CADM2: variants seen among roughly 807,000 people sequenced by gnomAD.
The protein encoded by CADM2 is immunoglobulin superfamily member 4D.
A neutral mutation model predicts 49.8 loss-of-function variants in CADM2; 12 were observed. The observed-to-expected ratio is 0.24, with a 90% confidence interval of 0.15 to 0.39. CADM2 has a LOEUF of 0.39. Ranked by LOEUF, CADM2 falls within the 10% of genes least tolerant of loss-of-function variation. The probability of loss-of-function intolerance (pLI) is 1.00; values close to 1 mark genes in which losing one functional copy is unlikely to be tolerated. For synonymous variants in CADM2, 214 were observed against 175.4 expected (o/e 1.22, Z -1.74); for missense variants, 378 against 492.3 (o/e 0.77, Z 2.20).
At chr3:85,992,095 A>G (rs982633958) in intron 8 of CADM2, 1 of 151,820 alleles carries the variant, frequency 6.6e-6, no homozygotes, top group African/African-American at 2.4e-5. Flanking sequence ...ATTGTTCATC[A>G]CAGAAAAATT....
At chr3:84,965,514 G>A (rs565014300) in intron 1 of CADM2, among the ~76,000 whole-genome samples, 2 of 152,288 alleles carry the variant, frequency 1.3e-5, no homozygotes, top group South Asian at 4.1e-4. Flanking sequence ...CATATATTTT[G>A]TTTAGAGATG....
At chr3:85,630,599 TTAAC>T (rs1434387860) in intron 1 of CADM2, among the ~76,000 whole-genome samples, 1 of 152,092 alleles carries the variant, frequency 6.6e-6, no homozygotes, top group Non-Finnish European at 1.5e-5. Context: ...ATCTGCATTT[TTAAC>T]TAATGAAGCG....
At chr3:84,978,477 C>G (rs1356681650) in intron 1 of CADM2, among the ~76,000 whole-genome samples, 1 of 152,122 alleles carries the variant, frequency 6.6e-6, no homozygotes, top group African/African-American at 2.4e-5. Context: ...TAAGCCCTTT[C>G]TCAGACACAT....
chr3:85,811,374 C>A (rs979815849), intron 3 of CADM2, among the ~76,000 whole-genome samples: 1 of 152,104 alleles, frequency 6.6e-6, no homozygotes, highest in Non-Finnish European at 1.5e-5. Context: ...TTTTAACAAA[C>A]ACTGAACAGT....
At chr3:85,992,546 A>T (rs1182637143) in intron 8 of CADM2, 1 of 152,154 alleles carries the variant, frequency 6.6e-6, no homozygotes, top group Non-Finnish European at 1.5e-5. Context: ...TCATGGGTTC[A>T]GTTCCAGATC....
chr3:85,693,391 T>G (rs962061406), intron 1 of CADM2, among the ~76,000 whole-genome samples: 1 of 136,128 alleles, frequency 7.3e-6, no homozygotes, highest in Non-Finnish European at 1.6e-5. Flanking sequence ...CCATCCTGGC[T>G]AACAGGGTGA....
At chr3:85,901,900 G>GT (rs150560680) in intron 5 of CADM2, among the ~76,000 whole-genome samples, 5,482 of 152,098 alleles carry the variant, frequency 0.036, 322 homozygotes, top group African/African-American at 0.12. Context: ...TATATTATGT[G>GT]TTTTTTGTGA....
intron 1 of CADM2, among the ~76,000 whole-genome samples, chr3:84,993,673 G>A (rs2033020702): frequency 6.6e-6 from 1 of 152,170 alleles, no homozygotes; most frequent in African/African-American, 2.4e-5. Flanking sequence ...CACACTGACT[G>A]ATATGAACTG....
intron 1 of CADM2, among the ~76,000 whole-genome samples, chr3:85,089,450 A>G (rs938779738): frequency 1.3e-5 from 2 of 152,104 alleles, no homozygotes; most frequent in African/African-American, 4.8e-5. Context: ...TTCTTTCCTC[A>G]GTGCCTGTTT....
At chr3:86,016,067 A>T (rs1577957463) in intron 8 of CADM2, among the ~76,000 whole-genome samples, 1 of 142,930 alleles carries the variant, frequency 7.0e-6, no homozygotes. Context: ...CATTTTATTC[A>T]CTAAAGGAAA....
intron 3 of CADM2, among the ~76,000 whole-genome samples, chr3:85,858,374 T>G (rs950200986): frequency 1.3e-5 from 2 of 152,228 alleles, no homozygotes; most frequent in African/African-American, 4.8e-5. Flanking sequence ...CCATTATCAT[T>G]CAGACACAAG....
At chr3:85,166,388 G>A (rs1261299269) in intron 1 of CADM2, among the ~76,000 whole-genome samples, 1 of 151,612 alleles carries the variant, frequency 6.6e-6, no homozygotes, top group Non-Finnish European at 1.5e-5. Flanking sequence ...ATTTTAGAAA[G>A]CATGATATAT....
At chr3:85,909,665 G>T (rs1362433727) in intron 5 of CADM2, among the ~76,000 whole-genome samples, 2 of 152,084 alleles carry the variant, frequency 1.3e-5, no homozygotes, top group African/African-American at 2.4e-5. Context: ...TATGTGCATT[G>T]CATTTTGAGA....
chr3:85,447,030 A>ATATATG (rs1491540748), intron 1 of CADM2, among the ~76,000 whole-genome samples: 2 of 132,184 alleles, frequency 1.5e-5, no homozygotes, highest in Non-Finnish European at 3.2e-5. Context: ...ATATATATAT[A>ATATATG]TGCTTAGTAT....
chr3:85,959,556 A>G (rs1455434013), intron 7 of CADM2, among the ~76,000 whole-genome samples: 2 of 151,850 alleles, frequency 1.3e-5, no homozygotes, highest in Non-Finnish European at 1.5e-5. Flanking sequence ...TATCATGCCC[A>G]AGGGACTTAG....
chr3:85,540,344 A>G (rs1348893599), intron 1 of CADM2, among the ~76,000 whole-genome samples: 3 of 152,138 alleles, frequency 2.0e-5, no homozygotes. Flanking sequence ...ACTGGGCTCT[A>G]TTTTAGAGCC....
intron 1 of CADM2, among the ~76,000 whole-genome samples, chr3:85,130,333 T>C (rs2039182462): frequency 1.3e-5 from 2 of 152,154 alleles, no homozygotes; most frequent in African/African-American, 4.8e-5. Flanking sequence ...CATTATTTTA[T>C]CCATAGTTTT....
intron 8 of CADM2, among the ~76,000 whole-genome samples, chr3:85,962,425 T>C (rs1433400453): frequency 6.6e-6 from 1 of 152,002 alleles, no homozygotes; most frequent in Non-Finnish European, 1.5e-5. Context: ...TCAATTTCAC[T>C]GAACAATAAT....
chr3:85,226,605 T>TG (rs2042167676), intron 1 of CADM2, among the ~76,000 whole-genome samples: 1 of 152,016 alleles, frequency 6.6e-6, no homozygotes, highest in South Asian at 2.1e-4. Flanking sequence ...GAGTTTTTTT[T>TG]TTTGTGTGTG....
Sources: allele counts gnomAD v4.1 joint callset (sites outside exome capture counted in the v4.1 genomes callset), GRCh38; gene constraint gnomAD v4.1.1; transcripts MANE v1.5; gene names NCBI Gene and HGNC (gene_info 2026-07-23, HGNC 2026-07-21).